The following SLC15A3 variants were observed in gnomAD, a reference collection of about 807,000 sequenced individuals.
SLC15A3 encodes osteoclast transporter.
A neutral mutation model predicts 49.2 loss-of-function variants in SLC15A3; 39 were observed. The observed-to-expected ratio is 0.79, with a 90% CI of 0.61 to 1.04. The LOEUF is 1.04. SLC15A3 is among the 50% of genes least tolerant of loss of function. SLC15A3 has a pLI of 0.00. For missense variants in SLC15A3, 758 were observed against 794.8 expected (o/e 0.95, Z 0.56); for synonymous variants, 339 against 367.0 (o/e 0.92, Z 0.87).
intron 4 of SLC15A3, 101 bp from the exon 5 acceptor site, chr11:60,941,391 G>T: frequency 8.2e-7 from 1 of 1,224,542 alleles, no homozygotes; most frequent in Non-Finnish European, 1.1e-6. Flanking sequence ...TGACCCTGGG[G>T]TCCAGCTCCT....
chr11:60,944,407 C>T (rs1254185644), intron 2 of SLC15A3, among the ~76,000 whole-genome samples: 1 of 152,168 alleles, frequency 6.6e-6, no homozygotes, highest in Non-Finnish European at 1.5e-5. Context: ...AAATCGTCCT[C>T]TCCACGGGGT....
Position 60,951,234 on chromosome 11 carries a change from G to A in SLC15A3, c.318C>T (p.Leu106=), listed in dbSNP as rs1856914604. Residue 106 remains leucine, a synonymous_variant, in exon 1 of 8, where the codon CTC becomes CTT. Transcript: ENST00000227880. Reference sequence around the variant, plus strand: ...AGGCGGCCAGGTAGAGCAGCAGGCTGAGCGCGACCGCGCGGTAGCGGCCCA... The same window carrying A: ...AGGCGGCCAGGTAGAGCAGCAGGCTAAGCGCGACCGCGCGGTAGCGGCCCA... ...VYLGRYRAVA[L]SLLLYLAASG... 2 of 1,511,048 alleles carry A rather than the reference G, an allele frequency of 1.3e-6. No individual in the cohort carries two copies. Among genetic ancestry groups the A allele is most frequent in the Non-Finnish European group, 8.8e-7 (1 of 1,134,298 alleles). 93.6% of individuals were successfully genotyped at this position (1,511,048 alleles called of 1,614,324 possible). A position where few individuals can be genotyped will look rare whatever the true frequency, so the allele number is the denominator to read the frequency against.
In SLC15A3 at chr11:60,951,268, T is replaced by TCGGC. The variant is rs1468427993; in HGVS notation, c.280_283dup (p.Asp95GlyfsTer173). 2 of 1,515,048 alleles carry TCGGC rather than the reference T, an allele frequency of 1.3e-6. No individual in the cohort carries two copies. The allele number at this position is 1,515,048 out of a possible 1,614,324, so 93.9% of individuals were successfully genotyped here. ...CGCGCGGTAGCGGCCCAGGTACACG[T>TCGGC]CGGCCAGCCAGCCGCCCACGGGCGC... On this transcript the variant is annotated frameshift_variant, in exon 1 of 8. Coordinates refer to ENST00000227880, the MANE Select transcript of SLC15A3 (RefSeq NM_016582.3). LOFTEE classifies it high-confidence loss of function.
At position 60,937,142 on chromosome 11, in the gene SLC15A3, A is replaced by T; in HGVS notation, c.*77T>A. 1 of 1,543,604 alleles carries T rather than the reference A, an allele frequency of 6.5e-7. No individual in the cohort carries two copies. Among genetic ancestry groups the T allele is most frequent in the Non-Finnish European group, 8.7e-7 (1 of 1,144,614 alleles). On this transcript the variant is annotated 3_prime_UTR_variant, in exon 8 of 8. Transcript: ENST00000227880. Reference sequence around the variant, plus strand: ...GAACCATTTCATTCTAACAGAATAAACCGAGAAGGAAACCAGAGCTGGGAC... The same window carrying T: ...GAACCATTTCATTCTAACAGAATAATCCGAGAAGGAAACCAGAGCTGGGAC...
At chr11:60,940,879 GA>G in intron 5 of SLC15A3, 1 of 370,012 alleles carries the variant, frequency 2.7e-6, no homozygotes, top group Non-Finnish European at 4.6e-6. Flanking sequence ...TCAAGGAGCT[GA>G]TAATTCACTG....
chr11:60,951,344 C>T lies in SLC15A3; in HGVS notation c.208G>A (p.Glu70Lys). 3 of 1,544,780 alleles carry T rather than the reference C, an allele frequency of 1.9e-6. No homozygotes were observed. Among genetic ancestry groups the T allele is most frequent in the East Asian group, 2.6e-5 (1 of 38,014 alleles). The stretch of plus-strand genomic sequence containing the variant: ...ACCAGCGCGGCGCGCGTCGCCTGCT[C>T]GCCGGTCCAGTTGAAGTTGGTGCTG... ...LNSTNFNWTG[E>K]QATRAALVFL... Residue 70 changes from glutamate to lysine, a missense_variant, in exon 1 of 8, where the codon GAG (glutamate) becomes AAG (lysine). Transcript: ENST00000227880.
intron 3 of SLC15A3, chr11:60,942,410 G>T (rs892472462): frequency 2.0e-5 from 8 of 391,850 alleles, no homozygotes; most frequent in Admixed American, 3.8e-5. Context: ...ACTAGTATTT[G>T]TGTCCCCAGG....
At chr11:60,949,521 AAAG>A (rs1418991154) in intron 1 of SLC15A3, among the ~76,000 whole-genome samples, 8 of 74,286 alleles carry the variant, frequency 1.1e-4, no homozygotes, top group African/African-American at 2.4e-4. Flanking sequence ...AGAAAGAAAG[AAAG>A]AAAGAAAGAA....
intron 1 of SLC15A3, among the ~76,000 whole-genome samples, chr11:60,948,856 A>T (rs1340605873): frequency 6.6e-6 from 1 of 152,184 alleles, no homozygotes; most frequent in Non-Finnish European, 1.5e-5. Context: ...CAGTTTTGCC[A>T]CAGGGGGTAC....
intron 1 of SLC15A3, among the ~76,000 whole-genome samples, chr11:60,949,548 G>GAAAGAAAGAAAGAAAGAAAGTA: frequency 1.3e-5 from 1 of 78,480 alleles, no homozygotes; most frequent in African/African-American, 2.8e-5. Context: ...AAGAAAGAAA[G>GAAAGAAAGAAAGAAAGAAAGTA]AAAGAAAGAA....
chr11:60,950,559 A>C (rs563912981), intron 1 of SLC15A3, among the ~76,000 whole-genome samples: 24 of 152,022 alleles, frequency 1.6e-4, no homozygotes, highest in African/African-American at 5.5e-4. Context: ...AGGCCTAGGC[A>C]GGTGGATCAC....
chr11:60,941,882 C>T, intron 4 of SLC15A3, 153 bp downstream of exon 4: 1 of 730,388 alleles, frequency 1.4e-6, no homozygotes, highest in East Asian at 2.6e-5. Context: ...CGCTGTGACA[C>T]AAGTCCTCCC....
At chr11:60,942,419 G>A (rs1231951553) in intron 3 of SLC15A3, 10 of 372,870 alleles carry the variant, frequency 2.7e-5, no homozygotes, top group African/African-American at 2.1e-4. Context: ...TGTGTCCCCA[G>A]GGCCCAGCAC....
At position 60,938,032 on chromosome 11, in the gene SLC15A3, A is replaced by AG. The variant is rs566121842; in HGVS notation, c.1436-8dup. On this transcript the variant is annotated splice_polypyrimidine_tract_variant and splice_region_variant and intron_variant, in intron 6 of 7. Transcript: ENST00000227880. Reference sequence around the variant, plus strand: ...GAGTAGGCAAACTCCAGGCCTGCAGAGGGGGAGCAGAGACGATCTCAGGGG... The same window carrying AG: ...GAGTAGGCAAACTCCAGGCCTGCAGAGGGGGGAGCAGAGACGATCTCAGGGG... 4.2e-4 allele frequency: 676 copies of AG among 1,613,152 alleles called. 11 individuals carry two copies. In the East Asian group the frequency reaches 0.015, roughly 36 times the overall value.
rs373003074 is a variant in SLC15A3 at position 60,945,489 on chromosome 11, C to T, written c.848+1043G>A. On this transcript the variant is annotated intron_variant, in intron 2 of 7. Coordinates refer to ENST00000227880, the MANE Select transcript of SLC15A3 (RefSeq NM_016582.3). ...AGCTCTGGTGTGGTTTGTTAGGCAGCGATAGGTAATGAAAACCACCACACT... is the reference window on the plus strand; with the variant it reads ...AGCTCTGGTGTGGTTTGTTAGGCAGTGATAGGTAATGAAAACCACCACACT... Among the ~76,000 whole-genome samples, 12 of 152,260 alleles carry T rather than the reference C, an allele frequency of 7.9e-5. No homozygotes were observed. The East Asian group carries it at 1.2e-3, about 15-fold the overall frequency.
chr11:60,939,458 CA>C, intron 6 of SLC15A3, 21 bp downstream of exon 6: 1 of 1,612,122 alleles, frequency 6.2e-7, no homozygotes, highest in Non-Finnish European at 8.5e-7. Flanking sequence ...GGTGCAGGAG[CA>C]GGGGAGGGGA....
Position 60,949,407 on chromosome 11 carries a change from GAAGA to G in SLC15A3, c.558+1583_558+1586del, listed in dbSNP as rs199751222. On this transcript the variant is annotated intron_variant, in intron 1 of 7. Coordinates refer to ENST00000227880, the MANE Select transcript of SLC15A3 (RefSeq NM_016582.3). ...GAGAGAGAGAGAAAGAGAAAGAAAG[GAAGA>G]AAGAAAGAAAGAAGGAAAGAAAGAA... 5.8e-4 allele frequency among the ~76,000 whole-genome samples: 53 copies of G among 91,048 alleles called. 2 individuals carry two copies. Among genetic ancestry groups the G allele is most frequent in the Admixed American group, 3.2e-3 (21 of 6,642 alleles). 59.7% of individuals were successfully genotyped at this position (91,048 alleles called of 152,430 possible).
chr11:60,947,571 A>C (rs1249793459), intron 1 of SLC15A3, among the ~76,000 whole-genome samples: 1 of 152,214 alleles, frequency 6.6e-6, no homozygotes, highest in Admixed American at 6.5e-5. Context: ...CCGAAAGAAC[A>C]GAAGTCTGAG....
chr11:60,939,332 C>T, intron 6 of SLC15A3, 148 bp downstream of exon 6: 5 of 904,422 alleles, frequency 5.5e-6, no homozygotes, highest in Non-Finnish European at 8.3e-6. Context: ...TATAGACCCC[C>T]GTTGGGTGAA....
Sources: gnomAD v4.1 joint callset for allele counts (sites outside exome capture counted in the v4.1 genomes callset) on GRCh38, gnomAD v4.1.1 for gene constraint, MANE v1.5 for transcripts, NCBI Gene and HGNC (gene_info 2026-07-23, HGNC 2026-07-21) for gene names.